Variants in NIPBL observed in about 807,000 individuals in gnomAD.
The protein encoded by NIPBL is nipped-B-like protein.
A neutral mutation model predicts 321.8 loss-of-function variants in NIPBL; 19 were observed. That is an observed-to-expected ratio of 0.06 (90% CI 0.04 to 0.09). The LOEUF (loss-of-function observed/expected upper bound fraction) is 0.09. NIPBL is among the 10% of genes least tolerant of loss of function. NIPBL has a pLI of 1.00. For synonymous variants in NIPBL, 1,106 were observed against 1,114.1 expected (o/e 0.99, Z 0.14); for missense variants, 2,210 against 3,327.0 (o/e 0.66, Z 8.26).
intron 34 of NIPBL, among the ~76,000 whole-genome samples, chr5:37,041,934 A>C (rs747220010): frequency 2.5e-4 from 38 of 152,108 alleles, no homozygotes; most frequent in Non-Finnish European, 4.7e-4. Flanking sequence ...CCCAACAAAA[A>C]TTCTTCTATC....
intron 16 of NIPBL, among the ~76,000 whole-genome samples, chr5:37,004,399 CTTT>C (rs1209687707): frequency 1.4e-5 from 2 of 145,432 alleles, no homozygotes; most frequent in African/African-American, 2.5e-5. Context: ...CTTTCTCTCC[CTTT>C]TTTTTTTTTC....
At chr5:36,904,692 C>T (rs1747494094) in intron 1 of NIPBL, among the ~76,000 whole-genome samples, 1 of 152,142 alleles carries the variant, frequency 6.6e-6, no homozygotes. Flanking sequence ...GGCAGAGAAT[C>T]TGTTCCAAGC....
chr5:36,964,319 T>TG (rs1741969779), intron 6 of NIPBL, among the ~76,000 whole-genome samples: 1 of 152,078 alleles, frequency 6.6e-6, no homozygotes, highest in African/African-American at 2.4e-5. Flanking sequence ...AGAAAAAAGC[T>TG]GGAGGCATCA....
intron 24 of NIPBL, among the ~76,000 whole-genome samples, chr5:37,017,964 C>T (rs1580486325): frequency 6.6e-6 from 1 of 151,748 alleles, no homozygotes; most frequent in Admixed American, 6.6e-5. Flanking sequence ...AATTTTGTTT[C>T]GAACCACTTG....
At position 36,985,948 on chromosome 5, in the gene NIPBL, G is replaced by T. The variant is rs200991784; in HGVS notation, c.2768G>T (p.Gly923Val). 130 of 1,613,832 alleles carry T rather than the reference G, an allele frequency of 8.1e-5. No homozygotes were observed. Among genetic ancestry groups the T allele is most frequent in the Non-Finnish European group, 1.1e-4 (128 of 1,179,948 alleles). The change falls in exon 10 of 47, where the codon GGT becomes GTT. Residue 923 changes from glycine (G) to valine (V), a missense_variant. This residue lies in a region of NIPBL where 588 missense variants were observed against 564.1 expected (regional missense o/e 1.04). Transcript: ENST00000282516. ...AGTAAAGATGACAAAAGGACAGAGGGTAACAAGAGTAAAGTAGACACTAAT... is the reference window on the plus strand; with the variant it reads ...AGTAAAGATGACAAAAGGACAGAGGTTAACAAGAGTAAAGTAGACACTAAT... ...PTSKDDKRTE[G>V]NKSKVDTNKA...
intron 11 of NIPBL, 109 bp downstream of exon 11, chr5:36,995,913 TTAA>T: frequency 1.1e-6 from 1 of 925,988 alleles, no homozygotes; most frequent in Non-Finnish European, 1.7e-6. Context: ...ACCTTAATTC[TTAA>T]TAACACAGTA....
At chr5:36,892,705 A>C (rs571141372) in intron 1 of NIPBL, among the ~76,000 whole-genome samples, 2 of 151,700 alleles carry the variant, frequency 1.3e-5, no homozygotes, top group Non-Finnish European at 2.9e-5. Flanking sequence ...ACCAAACACC[A>C]CATGTTCTCA....
chr5:36,958,262 C>T, intron 4 of NIPBL, 31 bp downstream of exon 4: 1 of 1,607,762 alleles, frequency 6.2e-7, no homozygotes, highest in Non-Finnish European at 8.5e-7. Flanking sequence ...ATTCCCATAT[C>T]AAACTTGTTT....
intron 34 of NIPBL, among the ~76,000 whole-genome samples, chr5:37,041,503 A>T (rs1752369646): frequency 6.7e-6 from 1 of 149,766 alleles, no homozygotes; most frequent in Non-Finnish European, 1.5e-5. Flanking sequence ...GACCTTATTG[A>T]TCTGCCCCGC....
In NIPBL at chr5:36,937,680, C is replaced by T. The variant is rs559340684; in HGVS notation, c.-79-15938C>T. Among the ~76,000 whole-genome samples, 135 of 152,248 alleles carry T rather than the reference C, an allele frequency of 8.9e-4. 1 individual carries two copies. The highest frequency in any genetic ancestry group is 3.5e-3 in the South Asian group (17 of 4,826). On this transcript the variant is annotated intron_variant, in intron 1 of 46. Coordinates refer to ENST00000282516, the MANE Select transcript of NIPBL (RefSeq NM_133433.4). ...CTGAGGACTTACTAGTGAAATTACTCTCAGATTTCTGCATCTTGGAAATGC... is the reference window on the plus strand; with the variant it reads ...CTGAGGACTTACTAGTGAAATTACTTTCAGATTTCTGCATCTTGGAAATGC...
intron 43 of NIPBL, among the ~76,000 whole-genome samples, chr5:37,057,602 G>A (rs138563987): frequency 6.6e-6 from 1 of 152,248 alleles, no homozygotes; most frequent in East Asian, 1.9e-4. Context: ...CTGACCTTAA[G>A]TGTTTGCATC....
intron 1 of NIPBL, among the ~76,000 whole-genome samples, chr5:36,918,984 C>G (rs909030390): frequency 6.6e-6 from 1 of 152,026 alleles, no homozygotes; most frequent in African/African-American, 2.4e-5. Flanking sequence ...GTGTAAAATT[C>G]TCTTTTTTTG....
At chr5:36,888,391 T>C (rs1446055884) in intron 1 of NIPBL, among the ~76,000 whole-genome samples, 1 of 152,162 alleles carries the variant, frequency 6.6e-6, no homozygotes, top group African/African-American at 2.4e-5. Flanking sequence ...GCTTTTAGAA[T>C]ACTGCATTTC....
intron 10 of NIPBL, among the ~76,000 whole-genome samples, chr5:36,991,389 TAATTG>T (rs1327207948): frequency 6.6e-6 from 1 of 152,176 alleles, no homozygotes; most frequent in African/African-American, 2.4e-5. Context: ...ATTCAATTTC[TAATTG>T]AATTGAATTT....
chr5:37,010,378 C>T (rs1386689471), intron 21 of NIPBL, among the ~76,000 whole-genome samples, 153 bp downstream of exon 21: 2 of 152,050 alleles, frequency 1.3e-5, no homozygotes, highest in African/African-American at 4.8e-5. Flanking sequence ...TGCAGTGGCG[C>T]GATCTCGGCT....
intron 1 of NIPBL, among the ~76,000 whole-genome samples, chr5:36,903,434 CT>C (rs1217211708): frequency 6.6e-6 from 1 of 152,032 alleles, no homozygotes; most frequent in African/African-American, 2.4e-5. Flanking sequence ...TATTTTGCCC[CT>C]CTTTTTAAAC....
intron 1 of NIPBL, among the ~76,000 whole-genome samples, chr5:36,944,810 G>A (rs894880218): frequency 1.3e-5 from 2 of 151,784 alleles, no homozygotes; most frequent in African/African-American, 4.8e-5. Flanking sequence ...CCCTCTTGTG[G>A]ACTATTCAGT....
At chr5:36,942,432 TAAAAAA>T (rs33935189) in intron 1 of NIPBL, among the ~76,000 whole-genome samples, 5 of 59,778 alleles carry the variant, frequency 8.4e-5, no homozygotes, top group South Asian at 7.9e-4. Context: ...ACTCTGTCTT[TAAAAAA>T]AAAAAAAAAA....
At chr5:36,963,016 G>C (rs186095309) in intron 6 of NIPBL, among the ~76,000 whole-genome samples, 1 of 152,050 alleles carries the variant, frequency 6.6e-6, no homozygotes, top group East Asian at 1.9e-4. Flanking sequence ...ATTTACTGTA[G>C]TACAGTAAAG....
Sources: gnomAD v4.1 joint callset for allele counts (sites outside exome capture counted in the v4.1 genomes callset) on GRCh38, gnomAD v4.1.1 for gene constraint, gnomAD v4.1.1 regional missense constraint, MANE v1.5 for transcripts, NCBI Gene and HGNC (gene_info 2026-07-23, HGNC 2026-07-21) for gene names.